Variants in JMJD7 observed in about 807,000 individuals in gnomAD.
JMJD7 encodes jumonji domain containing 7, also known as bifunctional peptidase and (3S)-lysyl hydroxylase JMJD7.
JMJD7 carries 41 observed loss-of-function variants against 41.1 expected under a neutral mutation model. The ratio of observed to expected loss-of-function variants is 1.00; its 90% CI spans 0.78 to 1.30. JMJD7 has a LOEUF of 1.30. Among genes scored for constraint, JMJD7 ranks in the 50% most tolerant of loss-of-function variants. The pLI, the probability that JMJD7 is intolerant of heterozygous loss-of-function variation, is 0.00. For missense variants in JMJD7, 480 were observed against 420.7 expected, an observed-to-expected ratio of 1.14 and a Z score of -1.23; for synonymous variants, 202 against 177.2, an observed-to-expected ratio of 1.14 and a Z score of -1.11.
At chr15:41,833,414 A>ATATATTTTTTTTTTTTT (rs1239528383) in intron 1 of JMJD7, among the ~76,000 whole-genome samples, 3 of 31,998 alleles carry the variant, frequency 9.4e-5, no homozygotes, top group Non-Finnish European at 1.8e-4. Context: ...ATATATATAT[A>ATATATTTTTTTTTTTTT]TTTTTTTTTT....
chr15:41,830,502 T>C (rs949938187), intron 1 of JMJD7, among the ~76,000 whole-genome samples: 1 of 152,100 alleles, frequency 6.6e-6, no homozygotes, highest in Non-Finnish European at 1.5e-5. Flanking sequence ...CCTTCCAAGT[T>C]GGTGGAGTGG....
intron 4 of JMJD7, 64 bp downstream of exon 4, chr15:41,835,708 G>A: frequency 6.4e-7 from 1 of 1,568,292 alleles, no homozygotes; most frequent in Non-Finnish European, 8.7e-7. Flanking sequence ...GGGAAGACGA[G>A]GCCAGGAGTG....
At position 41,834,949 on chromosome 15, in the gene JMJD7, G is replaced by T. The variant is rs776739162; in HGVS notation, c.219-21G>T. 1.1e-5 allele frequency: 17 copies of T among 1,613,678 alleles called. No homozygotes were observed. The South Asian group carries it at 1.9e-4, about 18-fold the overall frequency. ...AGTGATTACTGGCATCTGGGCATGG[G>T]CTGAGTGTCCATTCCTCTAGAGCCA... On this transcript the variant is annotated intron_variant, in intron 2 of 7. Coordinates refer to ENST00000397299, the MANE Select transcript of JMJD7 (RefSeq NM_001114632.2).
Position 41,837,227 on chromosome 15 carries a change from C to G in JMJD7, c.*71C>G, listed in dbSNP as rs1223991361. On this transcript the variant is annotated 3_prime_UTR_variant, in exon 8 of 8. Coordinates refer to ENST00000397299, the MANE Select transcript of JMJD7 (RefSeq NM_001114632.2). The stretch of plus-strand genomic sequence containing the variant: ...CAGCCCCTCCCTGGCCAGGTCAATT[C>G]TCGAGAGAGCCTGGAGTGTGCATGC... The G allele has an allele frequency of 1.9e-6, 2 of 1,077,788 alleles. No homozygotes were observed. Among genetic ancestry groups the G allele is most frequent in the Non-Finnish European group, 2.8e-6 (2 of 719,036 alleles). 66.8% of individuals were successfully genotyped at this position (1,077,788 alleles called of 1,614,324 possible).
chr15:41,836,588 G>T, intron 6 of JMJD7, 37 bp downstream of exon 6: 1 of 1,518,262 alleles, frequency 6.6e-7, no homozygotes, highest in African/African-American at 1.4e-5. Context: ...GGAGGGAGAA[G>T]GGCAGAAGCC....
intron 1 of JMJD7, 129 bp from the exon 2 acceptor site, chr15:41,834,611 G>A: frequency 8.8e-6 from 12 of 1,357,262 alleles, no homozygotes; most frequent in Non-Finnish European, 1.2e-5. Flanking sequence ...GGTTGTCCAG[G>A]GTCCTTTGGT....
rs55860712 is a variant in JMJD7 at position 41,833,393 on chromosome 15, C to CATATAT, written c.65-1330_65-1325dup. 5.1e-3 allele frequency among the ~76,000 whole-genome samples: 256 copies of CATATAT among 50,514 alleles called. 10 individuals are homozygous for CATATAT. The highest frequency in any genetic ancestry group is 0.02 in the Middle Eastern group (2 of 98). The allele number at this position is 50,514 out of a possible 152,430, so 33.1% of individuals were successfully genotyped here. Reference sequence around the variant, plus strand: ...ATAAACAGTTTATGTAGGTGAAATACATATATATATATATATATATATTTT... The same window carrying CATATAT: ...ATAAACAGTTTATGTAGGTGAAATACATATATATATATATATATATATATATATTTT... On this transcript the variant is annotated intron_variant, in intron 1 of 7. Coordinates refer to ENST00000397299, the MANE Select transcript of JMJD7 (RefSeq NM_001114632.2).
chr15:41,831,363 C>G (rs55965182), intron 1 of JMJD7, among the ~76,000 whole-genome samples: 3 of 152,178 alleles, frequency 2.0e-5, no homozygotes, highest in African/African-American at 7.2e-5. Context: ...AATATTTGAT[C>G]TAAGAACATT....
intron 1 of JMJD7, among the ~76,000 whole-genome samples, chr15:41,829,552 G>A (rs1281904628): frequency 6.6e-6 from 1 of 152,148 alleles, no homozygotes; most frequent in African/African-American, 2.4e-5. Flanking sequence ...GCATTCCAAA[G>A]TTTTGGAACG....
chr15:41,835,131 A>G lies in JMJD7; in HGVS notation c.380A>G (p.Tyr127Cys), dbSNP rs377033075. Reference sequence around the variant, plus strand: ...CGGGCCCAGCACCCTGGAGTCCTCTATGTGCAGAAGCAGTGCTCCAACCTG... The same window carrying G: ...CGGGCCCAGCACCCTGGAGTCCTCTGTGTGCAGAAGCAGTGCTCCAACCTG... The part of the protein sequence containing the change: ...EGRAQHPGVL[Y>C]VQKQCSNLPS... The change falls in exon 3 of 8, where the codon TAT becomes TGT. Residue 127 changes from tyrosine to cysteine, a missense_variant. Transcript: ENST00000397299. 76 of 1,610,328 alleles carry G rather than the reference A, an allele frequency of 4.7e-5. No individual in the cohort carries two copies. In the African/African-American group the frequency reaches 7.1e-4, roughly 15 times the overall value.
intron 1 of JMJD7, 193 bp downstream of exon 1, chr15:41,828,381 CGTT>C (rs2065172877): frequency 1.6e-6 from 1 of 618,074 alleles, no homozygotes; most frequent in Admixed American, 4.4e-5. Context: ...ATTCTGTTCA[CGTT>C]GTTCCCAAGG....
At chr15:41,829,320 T>C (rs1236269296) in intron 1 of JMJD7, 3 of 152,250 alleles carry the variant, frequency 2.0e-5, no homozygotes, top group African/African-American at 7.2e-5. Flanking sequence ...TTAAATACTT[T>C]ATATTTTTTG....
chr15:41,836,555 T>TCTGTC lies in JMJD7; in HGVS notation c.702+9_702+13dup. ...GGATGAAGAGGCCATGGAGAAGGTG[T>TCTGTC]CTGTCCTGTTCTTGGGCTCTAGGGA... On this transcript the variant is annotated splice_donor_region_variant and intron_variant, in intron 6 of 7. Coordinates refer to ENST00000397299, the MANE Select transcript of JMJD7 (RefSeq NM_001114632.2). The TCTGTC allele has an allele frequency of 1.9e-6, 3 of 1,568,438 alleles. No homozygotes were observed. The highest frequency in any genetic ancestry group is 2.6e-6 in the Non-Finnish European group (3 of 1,157,118).
At position 41,828,155 on chromosome 15, in the gene JMJD7, A is replaced by C. The variant is rs771660026; in HGVS notation, c.31A>C (p.Ser11Arg). The change falls in exon 1 of 8, where the codon AGC becomes CGC. Residue 11 changes from serine (S) to arginine (R), a missense_variant. Coordinates refer to ENST00000397299, the MANE Select transcript of JMJD7 (RefSeq NM_001114632.2). MAEAALEAVR[S>R]ELREFPAAAR... ...GGAGGCGGCTTTGGAAGCCGTGCGGAGCGAGTTACGAGAATTCCCGGCCGC... is the reference window on the plus strand; with the variant it reads ...GGAGGCGGCTTTGGAAGCCGTGCGGCGCGAGTTACGAGAATTCCCGGCCGC... 2 of 1,487,704 alleles carry C rather than the reference A, an allele frequency of 1.3e-6. No individual in the cohort carries two copies. The highest frequency in any genetic ancestry group is 1.8e-6 in the Non-Finnish European group (2 of 1,126,744). 92.2% of individuals were successfully genotyped at this position (1,487,704 alleles called of 1,614,324 possible).
chr15:41,834,981 G>A lies in JMJD7; in HGVS notation c.230G>A (p.Gly77Asp). The change falls in exon 3 of 8, where the codon GGC becomes GAC. Residue 77 changes from glycine to aspartate, a missense_variant. Transcript: ENST00000397299. ...WSLPYFRATV[G>D]STEVSVAVTP... ...GTCCATTCCTCTAGAGCCACAGTGG[G>A]CTCCACAGAGGTGAGTGTGGCCGTG... The A allele has an allele frequency of 6.2e-7, 1 of 1,614,140 alleles. No individual in the cohort carries two copies. Among genetic ancestry groups the A allele is most frequent in the African/African-American group, 1.3e-5 (1 of 75,066 alleles).
At chr15:41,835,533 G>T in intron 3 of JMJD7, 55 bp from the exon 4 acceptor site, 2 of 1,588,578 alleles carry the variant, frequency 1.3e-6, no homozygotes, top group South Asian at 2.3e-5. Flanking sequence ...ATCACTGGAT[G>T]GCAGCTTTCC....
intron 1 of JMJD7, chr15:41,828,567 G>A (rs1215116114): frequency 4.9e-6 from 1 of 202,908 alleles, no homozygotes; most frequent in East Asian, 1.1e-4. Flanking sequence ...TGGGAGGATT[G>A]CAGGCTGACC....
intron 1 of JMJD7, among the ~76,000 whole-genome samples, chr15:41,831,884 A>G (rs2412640): frequency 0.54 from 81,889 of 152,034 alleles, 22,318 homozygotes; most frequent in South Asian, 0.58. Flanking sequence ...CATGAAGAGG[A>G]CTGAACCATG....
rs554021142 is a variant in JMJD7 at position 41,834,593 on chromosome 15, C to T, written c.65-147C>T. 5.0e-6 allele frequency: 6 copies of T among 1,189,916 alleles called. No individual in the cohort carries two copies. The Admixed American group carries it at 7.6e-5, about 15-fold the overall frequency. The allele number at this position is 1,189,916 out of a possible 1,614,324, so 73.7% of individuals were successfully genotyped here. ...CTTTCATTTTTCCGTCCTCATCTTT[C>T]TATTACTGGTTGTCCAGGGTCCTTT... On this transcript the variant is annotated intron_variant, in intron 1 of 7. Coordinates refer to ENST00000397299, the MANE Select transcript of JMJD7 (RefSeq NM_001114632.2).
Sources: gnomAD v4.1 joint callset for allele counts (sites outside exome capture counted in the v4.1 genomes callset) on GRCh38, gnomAD v4.1.1 for gene constraint, MANE v1.5 for transcripts, NCBI Gene and HGNC (gene_info 2026-07-23, HGNC 2026-07-21) for gene names.